The following ZYG11A variants were observed in gnomAD, a reference collection of about 807,000 sequenced individuals.
ZYG11A encodes the protein protein zyg-11 homolog A.
ZYG11A carries 62 observed loss-of-function variants against 77.2 expected under a neutral mutation model. The observed-to-expected ratio is 0.80, with a 90% confidence interval of 0.65 to 0.99. The LOEUF (loss-of-function observed/expected upper bound fraction) is 0.99, where lower values mean the gene tolerates loss of function less well. ZYG11A is among the 50% of genes least tolerant of loss of function. The pLI is 0.00. For missense variants in ZYG11A, 828 were observed against 896.8 expected (o/e 0.92, Z 0.98); for synonymous variants, 315 against 324.6 (o/e 0.97, Z 0.32).
Position 52,881,659 on chromosome 1 carries a change from A to T in ZYG11A, c.1938A>T (p.Gln646His). The T allele has an allele frequency of 6.5e-7, 1 of 1,550,186 alleles. No individual in the cohort carries two copies. Among genetic ancestry groups the T allele is most frequent in the Non-Finnish European group, 8.7e-7 (1 of 1,145,972 alleles). ...SRDFQRRTLL[Q>H]DLHATIQNWP... ...ACTTCCAGAGGCGTACTCTTCTCCAAGATCTGGTACAGGAACCACATTCTT... is the reference window on the plus strand; with the variant it reads ...ACTTCCAGAGGCGTACTCTTCTCCATGATCTGGTACAGGAACCACATTCTT... The change falls in exon 11 of 14, where the codon CAA becomes CAT. Residue 646 changes from glutamine (Q) to histidine (H), a missense_variant. Coordinates refer to ENST00000371528, the MANE Select transcript of ZYG11A (RefSeq NM_001004339.3).
At chr1:52,890,066 T>TC (rs1031675579) in intron 13 of ZYG11A, among the ~76,000 whole-genome samples, 3 of 148,674 alleles carry the variant, frequency 2.0e-5, no homozygotes, top group Non-Finnish European at 4.5e-5. Context: ...TTTTTTTTTT[T>TC]TTTTCTTTTT....
At chr1:52,871,467 A>G (rs921540098) in intron 8 of ZYG11A, among the ~76,000 whole-genome samples, 1 of 150,674 alleles carries the variant, frequency 6.6e-6, no homozygotes, top group African/African-American at 2.4e-5. Context: ...CTGTTCCATT[A>G]ATTTGCATGT....
At chr1:52,851,592 G>T (rs1357026041) in intron 1 of ZYG11A, among the ~76,000 whole-genome samples, 2 of 151,576 alleles carry the variant, frequency 1.3e-5, no homozygotes, top group Non-Finnish European at 2.9e-5. Flanking sequence ...CAGGGACAGG[G>T]TTTCAACATG....
intron 1 of ZYG11A, among the ~76,000 whole-genome samples, chr1:52,847,796 A>G (rs1284092371): frequency 6.7e-6 from 1 of 148,230 alleles, no homozygotes; most frequent in Non-Finnish European, 1.5e-5. Context: ...CAGCCTTCCG[A>G]GTAGCTGGGA....
In ZYG11A at chr1:52,885,868, T is replaced by G; in HGVS notation, c.1980T>G (p.Cys660Trp). The change falls in exon 12 of 14, where the codon TGT becomes TGG. Residue 660 changes from cysteine (C) to tryptophan (W), a missense_variant. Transcript: ENST00000371528. ...TACAGAATTGGCCAAGTTCAAGTTG[T>G]AAGATGACAGCATTGGTGACCTATA... ...ATIQNWPSSS[C>W]KMTALVTYRS... 2 of 1,548,862 alleles carry G rather than the reference T, an allele frequency of 1.3e-6. No homozygotes were observed. The highest frequency in any genetic ancestry group is 2.4e-5 in the South Asian group (2 of 83,160).
Position 52,880,472 on chromosome 1 carries a change from C to A in ZYG11A, c.1750-999C>A, listed in dbSNP as rs574435520. 3.3e-5 allele frequency among the ~76,000 whole-genome samples: 5 copies of A among 152,238 alleles called. No individual in the cohort carries two copies. The South Asian group carries it at 1.0e-3, about 32-fold the overall frequency. ...ATTCCAGCCTCCTGGCACTGACATC[C>A]CCTACCCTTGAGTGTGGACAGGACC... On this transcript the variant is annotated intron_variant, in intron 10 of 13. Transcript: ENST00000371528.
At chr1:52,879,031 A>G (rs1646316283) in intron 10 of ZYG11A, among the ~76,000 whole-genome samples, 1 of 150,752 alleles carries the variant, frequency 6.6e-6, no homozygotes, top group Non-Finnish European at 1.5e-5. Flanking sequence ...GATATTAATC[A>G]CTTTACTATA....
At chr1:52,850,042 C>T (rs921190340) in intron 1 of ZYG11A, among the ~76,000 whole-genome samples, 1 of 152,148 alleles carries the variant, frequency 6.6e-6, no homozygotes, top group Non-Finnish European at 1.5e-5. Flanking sequence ...TTAATTGGGG[C>T]ACCATGGTTT....
chr1:52,892,683 A>T, intron 13 of ZYG11A, 99 bp from the exon 14 acceptor site: 1 of 1,069,806 alleles, frequency 9.3e-7, no homozygotes, highest in Non-Finnish European at 1.4e-6. Flanking sequence ...CAAAGAGCTT[A>T]AACCTTTGTA....
intron 4 of ZYG11A, among the ~76,000 whole-genome samples, chr1:52,861,225 T>C (rs1320911853): frequency 6.6e-6 from 1 of 152,238 alleles, no homozygotes; most frequent in South Asian, 2.1e-4. Flanking sequence ...CTTTTATCGA[T>C]ATAGCCAAAC....
Position 52,892,918 on chromosome 1 carries a change from G to A in ZYG11A, c.2241G>A (p.Met747Ile), listed in dbSNP as rs372765203. Residue 747 changes from methionine to isoleucine, a missense_variant, in exon 14 of 14, where the codon ATG becomes ATA. Physicochemically the swap from Met to Ile is conservative, Grantham distance 10. Transcript: ENST00000371528. Reference protein sequence around the residue: ...SILDDFRMHFMNYQRPTLCQM... With the variant: ...SILDDFRMHFINYQRPTLCQM... ...TGGATGACTTCAGAATGCATTTCAT[G>A]AATTATCAGAGGCCCACTCTGTGTC... The A allele has an allele frequency of 8.2e-4, 1,269 of 1,551,850 alleles. 1 individual carries two copies. The highest frequency in any genetic ancestry group is 1.0e-3 in the Non-Finnish European group (1,202 of 1,147,020).
At chr1:52,891,206 GT>G (rs762615968) in intron 13 of ZYG11A, among the ~76,000 whole-genome samples, 14 of 151,948 alleles carry the variant, frequency 9.2e-5, no homozygotes, top group Admixed American at 4.6e-4. Context: ...AGCCAACTGG[GT>G]CTAAATCTGC....
intron 8 of ZYG11A, among the ~76,000 whole-genome samples, chr1:52,868,478 C>T (rs868316865): frequency 2.0e-5 from 3 of 151,996 alleles, no homozygotes; most frequent in Non-Finnish European, 4.4e-5. Context: ...TAACATCGTT[C>T]ACTAAAAAAT....
chr1:52,878,048 G>T, intron 10 of ZYG11A, 79 bp downstream of exon 10: 1 of 1,226,604 alleles, frequency 8.2e-7, no homozygotes. Flanking sequence ...CTATATGCTA[G>T]GCAGTATTGT....
intron 1 of ZYG11A, among the ~76,000 whole-genome samples, chr1:52,847,735 T>A (rs1436524394): frequency 2.0e-5 from 3 of 150,988 alleles, no homozygotes; most frequent in Non-Finnish European, 4.4e-5. Flanking sequence ...AGTGGCGCGA[T>A]CTCGGTTCGC....
intron 8 of ZYG11A, among the ~76,000 whole-genome samples, chr1:52,875,801 A>T (rs1176984738): frequency 6.6e-6 from 1 of 151,134 alleles, no homozygotes; most frequent in Non-Finnish European, 1.5e-5. Context: ...ATGTTGATGC[A>T]AATGCAAGTA....
At chr1:52,888,411 G>A (rs1032415803) in intron 13 of ZYG11A, among the ~76,000 whole-genome samples, 2 of 152,174 alleles carry the variant, frequency 1.3e-5, no homozygotes, top group African/African-American at 4.8e-5. Flanking sequence ...AGGCGGGAGT[G>A]CAATGGTGCT....
rs994184027 is a variant in ZYG11A at position 52,857,670 on chromosome 1, G to A, written c.929G>A (p.Arg310Gln). 3.2e-5 allele frequency: 50 copies of A among 1,552,020 alleles called. No individual in the cohort carries two copies. Among genetic ancestry groups the A allele is most frequent in the Non-Finnish European group, 4.1e-5 (47 of 1,147,096 alleles). The change falls in exon 3 of 14, where the codon CGG (arginine) becomes CAG (glutamine). Residue 310 changes from arginine to glutamine, a missense_variant. By Grantham distance (43) the Arg-to-Gln change is conservative. Transcript: ENST00000371528. The part of the protein sequence containing the change: ...DEAVELFIRL[R>Q]PAMQFVGLLA... ...GCTGTAGAACTGTTTATACGACTGC[G>A]GCCTGCCATGCAATTTGTGGGACTA...
chr1:52,888,065 T>A (rs1452191255), intron 13 of ZYG11A, among the ~76,000 whole-genome samples: 1 of 152,154 alleles, frequency 6.6e-6, no homozygotes, highest in African/African-American at 2.4e-5. Context: ...TCAGAAAATG[T>A]AATTAAGGGA....
Sources: gnomAD v4.1 joint callset for allele counts (sites outside exome capture counted in the v4.1 genomes callset) on GRCh38, gnomAD v4.1.1 for gene constraint, MANE v1.5 for transcripts, NCBI Gene and HGNC (gene_info 2026-07-23, HGNC 2026-07-21) for gene names.